TRHDE: variants seen among roughly 807,000 people sequenced by gnomAD.
TRHDE encodes the protein thyrotropin releasing hormone degrading enzyme.
A neutral mutation model predicts 125.7 loss-of-function variants in TRHDE; 72 were observed. The observed-to-expected ratio is 0.57, with a 90% confidence interval of 0.47 to 0.70. The LOEUF (loss-of-function observed/expected upper bound fraction) is 0.70. TRHDE is among the 30% of genes least tolerant of loss of function. The pLI is 0.00. For missense variants in TRHDE, 1,110 were observed against 1,327.1 expected, an observed-to-expected ratio of 0.84 and a Z score of 2.54; for synonymous variants, 509 against 509.1, an observed-to-expected ratio of 1.00 and a Z score of 0.00.
In TRHDE at chr12:72,152,138, A is replaced by G. The variant is rs1412079379; in HGVS notation, n.279+46386A>G. On this transcript the variant is annotated intron_variant and non_coding_transcript_variant, in intron 2 of 4. Coordinates refer to the TRHDE transcript ENST00000548156. Reference sequence around the variant, plus strand: ...TCCCTTGTAAGTTGGATTCCTAGGTATTTTATTCTCTTTGAAGCAATTGTG... The same window carrying G: ...TCCCTTGTAAGTTGGATTCCTAGGTGTTTTATTCTCTTTGAAGCAATTGTG... Among the ~76,000 whole-genome samples, 3 of 151,100 alleles carry G rather than the reference A, an allele frequency of 2.0e-5. No individual in the cohort carries two copies. The East Asian group carries it at 5.8e-4, about 29-fold the overall frequency.
intron 3 of TRHDE, among the ~76,000 whole-genome samples, chr12:72,379,192 C>G (rs1437827447): frequency 2.0e-5 from 3 of 152,180 alleles, no homozygotes; most frequent in African/African-American, 7.2e-5. Flanking sequence ...CTTTATTGGT[C>G]TTGCAATGAG....
chr12:72,465,737 A>T (rs942657408), intron 3 of TRHDE, among the ~76,000 whole-genome samples: 1 of 152,236 alleles, frequency 6.6e-6, no homozygotes, highest in African/African-American at 2.4e-5. Context: ...TAAACCTATC[A>T]TATAAGATTC....
intron 12 of TRHDE, among the ~76,000 whole-genome samples, chr12:72,576,424 A>G (rs1870997014): frequency 6.6e-6 from 1 of 152,122 alleles, no homozygotes; most frequent in East Asian, 1.9e-4. Context: ...CAGTTTATGT[A>G]TTCAATCAAA....
upstream of TRHDE, among the ~76,000 whole-genome samples, chr12:72,268,480 A>G (rs1385656421): frequency 2.0e-5 from 3 of 152,092 alleles, no homozygotes; most frequent in Non-Finnish European, 4.4e-5. Flanking sequence ...TTACACTAAC[A>G]TATTGAGAAA....
intron 2 of TRHDE, among the ~76,000 whole-genome samples, chr12:72,302,371 A>G (rs1868275442): frequency 6.6e-6 from 1 of 152,034 alleles, no homozygotes; most frequent in East Asian, 1.9e-4. Context: ...TGGAAAAGAG[A>G]ATATTTCTGC....
chr12:72,669,604 G>C lies in TRHDE; in HGVS notation c.*6409G>C, dbSNP rs1875200028. The C allele has an allele frequency of 6.6e-6, 1 of 151,726 alleles. No individual in the cohort carries two copies. The highest frequency in any genetic ancestry group is 1.5e-5 in the Non-Finnish European group (1 of 67,824). The allele number at this position is 151,726 out of a possible 1,614,324, so 9.4% of individuals were successfully genotyped here. A position where few individuals can be genotyped will look rare whatever the true frequency, so the allele number is the denominator to read the frequency against. On this transcript the variant is annotated 3_prime_UTR_variant, in exon 19 of 19. Transcript: ENST00000261180. ...TGTTCACAGTATTGCATTTGCTCTTGTAAACAATTTTGTTCCCACCTTTAC... is the reference window on the plus strand; with the variant it reads ...TGTTCACAGTATTGCATTTGCTCTTCTAAACAATTTTGTTCCCACCTTTAC...
intron 6 of TRHDE, among the ~76,000 whole-genome samples, chr12:72,520,398 G>C (rs1242138545): frequency 6.6e-6 from 1 of 152,184 alleles, no homozygotes; most frequent in Non-Finnish European, 1.5e-5. Flanking sequence ...GGAGTGACCT[G>C]ATTTTCCAGG....
intron 2 of TRHDE, among the ~76,000 whole-genome samples, chr12:72,160,395 G>A (rs2139327990): frequency 6.6e-6 from 1 of 152,236 alleles, no homozygotes; most frequent in African/African-American, 2.4e-5. Context: ...TATTTTAAAA[G>A]GACCTCCTCG....
intron 1 of TRHDE, among the ~76,000 whole-genome samples, chr12:72,283,865 G>C (rs1184213386): frequency 6.6e-6 from 1 of 151,420 alleles, no homozygotes; most frequent in Admixed American, 6.6e-5. Context: ...GTATTATTAG[G>C]TGTCCTTTAA....
upstream of TRHDE, among the ~76,000 whole-genome samples, chr12:72,269,808 A>G (rs1405367812): frequency 1.3e-5 from 2 of 152,176 alleles, no homozygotes; most frequent in East Asian, 3.9e-4. Context: ...TTTCTCATGT[A>G]TCCCACAAAT....
At position 72,208,663 on chromosome 12, in the gene TRHDE, C is replaced by T. The variant is rs1387598375; in HGVS notation, n.279+102911C>T. Among the ~76,000 whole-genome samples, 3 of 152,236 alleles carry T rather than the reference C, an allele frequency of 2.0e-5. 1 individual carries two copies. Among genetic ancestry groups the T allele is most frequent in the South Asian group, 4.1e-4 (2 of 4,820 alleles). On this transcript the variant is annotated intron_variant and non_coding_transcript_variant, in intron 2 of 4. Coordinates refer to the TRHDE transcript ENST00000548156. The stretch of plus-strand genomic sequence containing the variant: ...GGGAATAATAATAGTATCTATCTCA[C>T]AGGGTTTTAGTGAAGATTAAATTAG...
At chr12:72,218,440 C>CTGTTTTT (rs1267500616) in intron 2 of TRHDE, among the ~76,000 whole-genome samples, 1 of 152,080 alleles carries the variant, frequency 6.6e-6, no homozygotes, top group Non-Finnish European at 1.5e-5. Context: ...TTTCATGATG[C>CTGTTTTT]TGTTTTTTTT....
At chr12:72,151,536 A>G (rs1335050448) in intron 2 of TRHDE, among the ~76,000 whole-genome samples, 8 of 151,754 alleles carry the variant, frequency 5.3e-5, no homozygotes, top group Middle Eastern at 3.4e-3. Context: ...TAGGTCTAAC[A>G]TTTAAGTCTT....
At chr12:72,129,658 C>T (rs648744) in intron 2 of TRHDE, among the ~76,000 whole-genome samples, 1 of 152,098 alleles carries the variant, frequency 6.6e-6, no homozygotes, top group African/African-American at 2.4e-5. Context: ...CTGCTACTGT[C>T]CAACACAGCA....
chr12:72,286,177 G>T (rs573836368), intron 1 of TRHDE, among the ~76,000 whole-genome samples: 6 of 152,198 alleles, frequency 3.9e-5, no homozygotes, highest in Non-Finnish European at 5.9e-5. Flanking sequence ...AATTTATCAG[G>T]TCTCAAAATC....
At chr12:72,466,652 CCTT>C (rs1466129051) in intron 3 of TRHDE, among the ~76,000 whole-genome samples, 1 of 152,122 alleles carries the variant, frequency 6.6e-6, no homozygotes, top group Non-Finnish European at 1.5e-5. Flanking sequence ...GCCACATCAC[CCTT>C]CTTTGTCAAG....
At chr12:72,318,391 A>C (rs1163946031) in intron 2 of TRHDE, among the ~76,000 whole-genome samples, 2 of 152,194 alleles carry the variant, frequency 1.3e-5, no homozygotes, top group Non-Finnish European at 2.9e-5. Flanking sequence ...ACAGTCACTC[A>C]TATTAGCTGG....
At chr12:72,613,482 C>A (rs1021227806) in intron 12 of TRHDE, among the ~76,000 whole-genome samples, 3 of 152,238 alleles carry the variant, frequency 2.0e-5, no homozygotes, top group African/African-American at 7.2e-5. Flanking sequence ...CTCCTGTTTT[C>A]AAAAGCTATG....
intron 6 of TRHDE, 88 bp downstream of exon 6, chr12:72,499,723 T>C: frequency 1.4e-6 from 2 of 1,460,406 alleles, no homozygotes; most frequent in Non-Finnish European, 1.9e-6. Flanking sequence ...TTTTTCTTTT[T>C]TTCCGGGCAG....
Sources: allele counts gnomAD v4.1 joint callset (sites outside exome capture counted in the v4.1 genomes callset), GRCh38; gene constraint gnomAD v4.1.1; transcripts MANE v1.5; gene names NCBI Gene and HGNC (gene_info 2026-07-23, HGNC 2026-07-21).